Variants in CTNNA3 observed in about 807,000 individuals in gnomAD.
CTNNA3 encodes the protein catenin alpha 3.
CTNNA3 carries 76 observed loss-of-function variants against 95.7 expected under a neutral mutation model. That is an observed-to-expected ratio of 0.79 (90% CI 0.66 to 0.96). The LOEUF is 0.96. Ranked by LOEUF, CTNNA3 falls within the 40% of genes least tolerant of loss-of-function variation. CTNNA3 has a pLI of 0.00. For missense variants in CTNNA3, 1,191 were observed against 1,089.8 expected (o/e 1.09, Z -1.31); for synonymous variants, 431 against 374.4 (o/e 1.15, Z -1.74).
chr10:66,509,284 T>C (rs1386460745), intron 11 of CTNNA3, among the ~76,000 whole-genome samples: 1 of 152,096 alleles, frequency 6.6e-6, no homozygotes, highest in Non-Finnish European at 1.5e-5. Context: ...TGGATAGTAG[T>C]CCCTTACCAG....
At chr10:66,418,060 T>C (rs1459049246) in intron 11 of CTNNA3, among the ~76,000 whole-genome samples, 1 of 147,610 alleles carries the variant, frequency 6.8e-6, no homozygotes, top group Admixed American at 6.7e-5. Context: ...ATAAAAAGCA[T>C]GAATGAAATG....
chr10:66,783,604 T>C (rs1003166547), intron 7 of CTNNA3, among the ~76,000 whole-genome samples: 1 of 151,256 alleles, frequency 6.6e-6, no homozygotes, highest in Non-Finnish European at 1.5e-5. Context: ...AATGCAATAT[T>C]TTATGCTGTC....
chr10:66,626,080 T>G (rs1055781927), intron 9 of CTNNA3, among the ~76,000 whole-genome samples: 1 of 152,316 alleles, frequency 6.6e-6, no homozygotes, highest in African/African-American at 2.4e-5. Context: ...TATTCTATTT[T>G]AAATAAATTG....
intron 3 of CTNNA3, among the ~76,000 whole-genome samples, chr10:67,592,367 G>A (rs2133349378): frequency 6.6e-6 from 1 of 152,108 alleles, no homozygotes; most frequent in African/African-American, 2.4e-5. Flanking sequence ...ACCAAGCTGG[G>A]GGCAGCAGGA....
chr10:67,730,772 T>C (rs115097202), intron 1 of CTNNA3, among the ~76,000 whole-genome samples: 2,475 of 152,214 alleles, frequency 0.016, 64 homozygotes, highest in African/African-American at 0.056. Context: ...TTATAATTCT[T>C]TCAGACAATT....
At chr10:65,936,301 C>G (rs543053137) in intron 17 of CTNNA3, among the ~76,000 whole-genome samples, 2 of 151,910 alleles carry the variant, frequency 1.3e-5, no homozygotes, top group Non-Finnish European at 2.9e-5. Flanking sequence ...TTTGCAAGTA[C>G]CACAGTCAAA....
Position 66,555,480 on chromosome 10 carries a change from C to T in CTNNA3, c.1375-34707G>A, listed in dbSNP as rs145315431. ...TAATACTTAAAAATAATCACTGTTA[C>T]ATGAAATTCAAGTGTAACTGTGCAT... On this transcript the variant is annotated intron_variant, in intron 10 of 17. Transcript: ENST00000433211. Among the ~76,000 whole-genome samples, 41 of 152,224 alleles carry T rather than the reference C, an allele frequency of 2.7e-4. No homozygotes were observed. The East Asian group carries it at 6.4e-3, about 24-fold the overall frequency.
intron 13 of CTNNA3, among the ~76,000 whole-genome samples, chr10:66,274,835 A>G (rs1444975135): frequency 6.6e-6 from 1 of 152,160 alleles, no homozygotes; most frequent in African/African-American, 2.4e-5. Flanking sequence ...GGAATAACTG[A>G]CATCTTAATA....
intron 5 of CTNNA3, among the ~76,000 whole-genome samples, chr10:67,285,358 A>G (rs1007100244): frequency 6.6e-6 from 1 of 152,198 alleles, no homozygotes; most frequent in Non-Finnish European, 1.5e-5. Context: ...ATAGACGGCT[A>G]GAGAACTGCC....
chr10:66,218,671 G>T (rs2131972305), intron 13 of CTNNA3, among the ~76,000 whole-genome samples: 1 of 152,264 alleles, frequency 6.6e-6, no homozygotes, highest in South Asian at 2.1e-4. Context: ...TGTGTTATTT[G>T]TTACTCAAGC....
At chr10:67,528,150 G>A (rs746470950) in intron 4 of CTNNA3, among the ~76,000 whole-genome samples, 75 of 152,262 alleles carry the variant, frequency 4.9e-4, no homozygotes, top group Admixed American at 1.5e-3. Flanking sequence ...GCATTGGCAC[G>A]GTTAAATTCC....
At chr10:67,686,527 G>A (rs369844300) in intron 1 of CTNNA3, among the ~76,000 whole-genome samples, 73 of 152,164 alleles carry the variant, frequency 4.8e-4, no homozygotes, top group African/African-American at 1.1e-3. Flanking sequence ...AAGGAGTAGC[G>A]CCTGGTATCT....
chr10:66,069,267 C>T (rs191210937), intron 15 of CTNNA3, 41 bp downstream of exon 15: 1 of 1,574,496 alleles, frequency 6.4e-7, no homozygotes, highest in East Asian at 2.2e-5. Flanking sequence ...CTAATATTTT[C>T]AGCCATTATG....
At chr10:67,242,872 A>G (rs1446882368) in intron 5 of CTNNA3, among the ~76,000 whole-genome samples, 1 of 152,268 alleles carries the variant, frequency 6.6e-6, no homozygotes, top group Non-Finnish European at 1.5e-5. Context: ...AGGAGATTTC[A>G]GGCAGAATAA....
chr10:66,445,912 T>C (rs921737707), intron 11 of CTNNA3, among the ~76,000 whole-genome samples: 90 of 151,996 alleles, frequency 5.9e-4, no homozygotes, highest in African/African-American at 2.1e-3. Flanking sequence ...ATCAACAAAA[T>C]TGATAGACCG....
At chr10:65,938,393 C>T (rs2077375900) in intron 17 of CTNNA3, among the ~76,000 whole-genome samples, 2 of 151,984 alleles carry the variant, frequency 1.3e-5, no homozygotes, top group African/African-American at 2.4e-5. Context: ...TCTCTCTCTT[C>T]TGTCAGAAAG....
At chr10:67,458,705 C>T (rs1335227114) in intron 5 of CTNNA3, among the ~76,000 whole-genome samples, 2 of 152,104 alleles carry the variant, frequency 1.3e-5, no homozygotes, top group African/African-American at 4.8e-5. Context: ...ATGACAAAAC[C>T]CCATCTCTAC....
At chr10:66,512,019 TATA>T (rs970254315) in intron 11 of CTNNA3, among the ~76,000 whole-genome samples, 2 of 152,010 alleles carry the variant, frequency 1.3e-5, no homozygotes, top group African/African-American at 4.8e-5. Flanking sequence ...TCTCTTTAAC[TATA>T]ATAATATTTG....
At chr10:67,543,388 C>T (rs1056008332) in intron 3 of CTNNA3, among the ~76,000 whole-genome samples, 2 of 151,932 alleles carry the variant, frequency 1.3e-5, no homozygotes, top group African/African-American at 4.8e-5. Context: ...TGGCCAAATA[C>T]ACATATTACC....
Sources: allele counts gnomAD v4.1 joint callset (sites outside exome capture counted in the v4.1 genomes callset), GRCh38; gene constraint gnomAD v4.1.1; transcripts MANE v1.5; gene names NCBI Gene and HGNC (gene_info 2026-07-23, HGNC 2026-07-21).